The following SETD1A variants were observed in gnomAD, a reference collection of about 807,000 sequenced individuals.
SETD1A encodes the protein SET domain containing 1A, histone lysine methyltransferase.
A neutral mutation model predicts 149.9 loss-of-function variants in SETD1A; 29 were observed. The observed-to-expected ratio is 0.19, with a 90% confidence interval of 0.14 to 0.26. The LOEUF (loss-of-function observed/expected upper bound fraction) is 0.26. Ranked by LOEUF, SETD1A falls within the 10% of genes least tolerant of loss-of-function variation. The pLI is 1.00. For synonymous variants in SETD1A, 1,141 were observed against 968.5 expected (o/e 1.18, Z -3.31); for missense variants, 2,109 against 2,353.1 (o/e 0.90, Z 2.15).
chr16:30,968,732 C>T (rs937603323), intron 10 of SETD1A, among the ~76,000 whole-genome samples: 3 of 151,778 alleles, frequency 2.0e-5, no homozygotes, highest in Non-Finnish European at 2.9e-5. Flanking sequence ...ACCCGGGAGG[C>T]AGAGGCTGCT....
intron 10 of SETD1A, among the ~76,000 whole-genome samples, chr16:30,968,186 C>T (rs931391039): frequency 1.3e-5 from 2 of 152,128 alleles, no homozygotes; most frequent in Admixed American, 1.3e-4. Context: ...AGGAGGATCA[C>T]CTGAGGTCAG....
rs373238581 is a variant in SETD1A at position 30,969,297 on chromosome 16, T to C, written c.2771-8T>C. 1.9e-6 allele frequency: 3 copies of C among 1,611,046 alleles called. No individual in the cohort carries two copies. Among genetic ancestry groups the C allele is most frequent in the African/African-American group, 2.7e-5 (2 of 74,770 alleles). ...TAAATTTCCCCAACTACCACTCTGC[T>C]GGCCTAGACCCTGAACAAGAGAAGG... On this transcript the variant is annotated splice_polypyrimidine_tract_variant and splice_region_variant and intron_variant, in intron 10 of 18. Transcript: ENST00000262519.
At position 30,964,289 on chromosome 16, in the gene SETD1A, A is replaced by C. The variant is rs1333640157; in HGVS notation, c.835A>C (p.Thr279Pro). Residue 279 changes from threonine (T) to proline (P), a missense_variant, in exon 6 of 19, where the codon ACC (threonine) becomes CCC (proline). Coordinates refer to ENST00000262519, the MANE Select transcript of SETD1A (RefSeq NM_014712.3). ...QGTPYTSRGS[T>P]PYSQDSAYSS... ...AACCCCCTACACGTCTCGGGGCAGC[A>C]CCCCCTACTCTCAGGACTCTGCCTA... 3 of 1,613,400 alleles carry C rather than the reference A, an allele frequency of 1.9e-6. No homozygotes were observed. The highest frequency in any genetic ancestry group is 2.5e-6 in the Non-Finnish European group (3 of 1,179,756).
chr16:30,966,766 C>G, intron 8 of SETD1A, 118 bp from the exon 9 acceptor site: 1 of 1,204,606 alleles, frequency 8.3e-7, no homozygotes, highest in Non-Finnish European at 1.1e-6. Context: ...CAGGTGTGAC[C>G]AAGATATGGA....
chr16:30,971,583 T>C lies in SETD1A; in HGVS notation c.3222T>C (p.Leu1074=). 6.2e-7 allele frequency: 1 copy of C among 1,613,770 alleles called. No homozygotes were observed. Among genetic ancestry groups the C allele is most frequent in the Non-Finnish European group, 8.5e-7 (1 of 1,179,914 alleles). ...AGGAAGAGGAGCGGCCAGCAGCCCT[T>C]CCCTCAGCCTCCCCGCCCCCCAGAG... ...DEEEEERPAA[L]PSASPPPREV... The change falls in exon 13 of 19, where the codon CTT becomes CTC. Residue 1074 remains leucine (L), a synonymous_variant. Coordinates refer to ENST00000262519, the MANE Select transcript of SETD1A (RefSeq NM_014712.3).
intron 1 of SETD1A, 42 bp downstream of exon 1, chr16:30,958,006 G>C (rs996899204): frequency 4.0e-5 from 6 of 151,734 alleles, no homozygotes; most frequent in African/African-American, 1.5e-4. Flanking sequence ...AGGTGGTGGT[G>C]GGGGGGCGCC....
In SETD1A at chr16:30,966,252, G is replaced by C. The variant is rs769934494; in HGVS notation, c.2371G>C (p.Val791Leu). The change falls in exon 8 of 19, where the codon GTG becomes CTG. Residue 791 changes from valine to leucine, a missense_variant. Physicochemically the swap from Val to Leu is conservative, Grantham distance 32. Coordinates refer to ENST00000262519, the MANE Select transcript of SETD1A (RefSeq NM_014712.3). ...CAAGACCCTCCCGACAGCAGGCACCGTGGGCCGTGTGCTCGCCATGCTGGT... is the reference window on the plus strand; with the variant it reads ...CAAGACCCTCCCGACAGCAGGCACCCTGGGCCGTGTGCTCGCCATGCTGGT... ...EGKTLPTAGT[V>L]GRVLAMLVQE... 1 of 1,613,880 alleles carries C rather than the reference G, an allele frequency of 6.2e-7. No individual in the cohort carries two copies. The highest frequency in any genetic ancestry group is 1.3e-5 in the African/African-American group (1 of 75,080).
intron 12 of SETD1A, among the ~76,000 whole-genome samples, chr16:30,970,703 C>T (rs1315271018): frequency 6.6e-6 from 1 of 152,200 alleles, no homozygotes; most frequent in African/African-American, 2.4e-5. Context: ...TCCATAAGGT[C>T]CTTCCTGGCA....
At chr16:30,975,848 T>C (rs917879986) in intron 13 of SETD1A, among the ~76,000 whole-genome samples, 1 of 151,822 alleles carries the variant, frequency 6.6e-6, no homozygotes, top group Non-Finnish European at 1.5e-5. Context: ...AGGGCAGGGT[T>C]GAGGGAGGGG....
chr16:30,979,964 GCCTCC>G lies in SETD1A; in HGVS notation c.4179_4183del (p.Ser1393ArgfsTer26). 1 of 1,525,152 alleles carries G rather than the reference GCCTCC, an allele frequency of 6.6e-7. No homozygotes were observed. Among genetic ancestry groups the G allele is most frequent in the Non-Finnish European group, 8.8e-7 (1 of 1,140,062 alleles). The allele number at this position is 1,525,152 out of a possible 1,614,324, so 94.5% of individuals were successfully genotyped here. On this transcript the variant is annotated frameshift_variant, in exon 14 of 19. Coordinates refer to ENST00000262519, the MANE Select transcript of SETD1A (RefSeq NM_014712.3). LOFTEE classifies it high-confidence loss of function. ...GGGGAGGGCGCCCTCCGGAGGCGCA[GCCTCC>G]GCTCCCACGCCCGGCGCCGCCGCCC...
chr16:30,963,658 A>C (rs1178384569), intron 5 of SETD1A, 104 bp downstream of exon 5: 59 of 1,285,176 alleles, frequency 4.6e-5, no homozygotes, highest in Non-Finnish European at 6.1e-5. Flanking sequence ...CCCGTTAAAC[A>C]AAGAAGAGCC....
chr16:30,979,259 T>G lies in SETD1A; in HGVS notation c.3473T>G (p.Leu1158Arg). The G allele has an allele frequency of 4.6e-6, 5 of 1,078,928 alleles. No individual in the cohort carries two copies. The highest frequency in any genetic ancestry group is 6.1e-6 in the Non-Finnish European group (5 of 816,240). 66.8% of individuals were successfully genotyped at this position (1,078,928 alleles called of 1,614,324 possible). Residue 1158 changes from leucine (L) to arginine (R), a missense_variant, in exon 14 of 19, where the codon CTG becomes CGG. This residue lies in a region of SETD1A where 832 missense variants were observed against 815.6 expected (regional missense o/e 1.02). Transcript: ENST00000262519. ...DERPSSPIPLLPPPKKRRKTV... is the reference protein window; with the variant it reads ...DERPSSPIPLRPPPKKRRKTV... Reference sequence around the variant, plus strand: ...CGTCCCTCTTCTCCCATCCCCCTCCTGCCCCCACCCAAGAAACGCCGGAAA... The same window carrying G: ...CGTCCCTCTTCTCCCATCCCCCTCCGGCCCCCACCCAAGAAACGCCGGAAA...
At chr16:30,968,489 T>TAC (rs1300643802) in intron 10 of SETD1A, among the ~76,000 whole-genome samples, 3 of 151,204 alleles carry the variant, frequency 2.0e-5, no homozygotes, top group African/African-American at 7.3e-5. Flanking sequence ...CATATATATA[T>TAC]ACACACACAT....
chr16:30,963,377 T>C, intron 4 of SETD1A, 56 bp from the exon 5 acceptor site: 1 of 1,497,420 alleles, frequency 6.7e-7, no homozygotes, highest in Non-Finnish European at 9.0e-7. Flanking sequence ...GAATACCAGA[T>C]CAGGAAGGAG....
chr16:30,963,595 C>G lies in SETD1A; in HGVS notation c.639+41C>G, dbSNP rs774397462. 3.1e-6 allele frequency: 5 copies of G among 1,589,458 alleles called. No individual in the cohort carries two copies. The East Asian group carries it at 1.1e-4, about 36-fold the overall frequency. ...CTACCACAGCCCCTAGCCATGTGGG[C>G]ATGGTGTCCGGGTGCCCGGAGCAGG... is the stretch of plus-strand genomic sequence containing the variant. On this transcript the variant is annotated intron_variant, in intron 5 of 18. Coordinates refer to ENST00000262519, the MANE Select transcript of SETD1A (RefSeq NM_014712.3).
chr16:30,980,294 C>G lies in SETD1A; in HGVS notation c.4408+100C>G. 1 of 1,459,254 alleles carries G rather than the reference C, an allele frequency of 6.9e-7. No individual in the cohort carries two copies. Among genetic ancestry groups the G allele is most frequent in the Non-Finnish European group, 9.1e-7 (1 of 1,097,982 alleles). 90.4% of individuals were successfully genotyped at this position (1,459,254 alleles called of 1,614,324 possible). A position where few individuals can be genotyped will look rare whatever the true frequency, so the allele number is the denominator to read the frequency against. On this transcript the variant is annotated intron_variant, in intron 14 of 18. Coordinates refer to ENST00000262519, the MANE Select transcript of SETD1A (RefSeq NM_014712.3). The surrounding 1 kb of genome is among the most constrained non-coding windows in gnomAD (Gnocchi z 7.7). ...CACTCTGTCTGCCTCCCCTCTGGCT[C>G]CAAGCCATCTTTTCTCTCCTCCTGG...
At chr16:30,962,045 A>G (rs927367412) in intron 4 of SETD1A, among the ~76,000 whole-genome samples, 8 of 146,074 alleles carry the variant, frequency 5.5e-5, no homozygotes, top group African/African-American at 2.0e-4. Context: ...GTCTCACTAC[A>G]CTGCCCAGCC....
intron 10 of SETD1A, among the ~76,000 whole-genome samples, chr16:30,967,983 T>C (rs988241258): frequency 2.0e-5 from 3 of 152,174 alleles, no homozygotes; most frequent in South Asian, 2.1e-4. Flanking sequence ...AACTTGCCCA[T>C]TGAGTCAGAT....
intron 4 of SETD1A, among the ~76,000 whole-genome samples, chr16:30,962,868 C>G (rs2056073929): frequency 6.6e-6 from 1 of 152,238 alleles, no homozygotes; most frequent in African/African-American, 2.4e-5. Context: ...TCACTTGAAC[C>G]TGGGAGGTGG....
Sources: allele counts gnomAD v4.1 joint callset (sites outside exome capture counted in the v4.1 genomes callset), GRCh38; gene constraint gnomAD v4.1.1; regional missense constraint gnomAD v4.1.1; non-coding constraint Gnocchi (gnomAD v3.1); transcripts MANE v1.5; gene names NCBI Gene and HGNC (gene_info 2026-07-23, HGNC 2026-07-21).